DTNA: variants seen among roughly 807,000 people sequenced by gnomAD.
DTNA encodes the protein dystrophin-related protein 3.
Under a neutral mutation model 100.7 loss-of-function variants are expected in DTNA, and 43 were observed. The observed-to-expected ratio is 0.43, with a 90% CI of 0.33 to 0.55. The LOEUF is 0.55. DTNA is among the 20% of genes least tolerant of loss of function. DTNA has a pLI of 0.04. For missense variants in DTNA, 798 were observed against 953.9 expected, an observed-to-expected ratio of 0.84 and a Z score of 2.15; for synonymous variants, 349 against 347.9, an observed-to-expected ratio of 1.00 and a Z score of -0.04.
In DTNA at chr18:34,824,244, G is replaced by A. The variant is rs539713617; in HGVS notation, c.1001+3329G>A. Among the ~76,000 whole-genome samples the A allele has an allele frequency of 4.6e-5, 7 of 152,294 alleles. No individual in the cohort carries two copies. In the East Asian group the frequency reaches 7.7e-4, roughly 17 times the overall value. ...TAATCCCAGCACTTGGGGAGGCTGA[G>A]GCGGGCGGATCACGAGGTCAGGAGA... is the stretch of plus-strand genomic sequence containing the variant. On this transcript the variant is annotated intron_variant, in intron 9 of 22. Coordinates refer to ENST00000444659, the MANE Select transcript of DTNA (RefSeq NM_001386795.1).
At chr18:34,854,731 G>T (rs756879240) in intron 15 of DTNA, among the ~76,000 whole-genome samples, 12 of 152,298 alleles carry the variant, frequency 7.9e-5, no homozygotes, top group Non-Finnish European at 1.5e-4. Context: ...CAAGCATGGA[G>T]CCATCCATTG....
In DTNA at chr18:34,818,346, G is replaced by A. The variant is rs913518501; in HGVS notation, c.876+16G>A. Reference sequence around the variant, plus strand: ...CACGTCATGGGTAAGGCAAGGTCCAGGCAATACTTGGAGTTGGATGTGTGA... The same window carrying A: ...CACGTCATGGGTAAGGCAAGGTCCAAGCAATACTTGGAGTTGGATGTGTGA... On this transcript the variant is annotated intron_variant, in intron 8 of 22. Transcript: ENST00000444659. 19 of 1,612,548 alleles carry A rather than the reference G, an allele frequency of 1.2e-5. No individual in the cohort carries two copies. Among genetic ancestry groups the A allele is most frequent in the Admixed American group, 1.7e-5 (1 of 59,736 alleles).
intron 1 of DTNA, among the ~76,000 whole-genome samples, chr18:34,696,418 A>C (rs1324186414): frequency 6.6e-6 from 1 of 152,030 alleles, no homozygotes; most frequent in Admixed American, 6.6e-5. Context: ...TCTCTACTAA[A>C]AATACAAAAA....
At chr18:34,516,441 A>T (rs1254389459) in intron 1 of DTNA, among the ~76,000 whole-genome samples, 1 of 152,054 alleles carries the variant, frequency 6.6e-6, no homozygotes. Flanking sequence ...TTATCAGGAG[A>T]CAGGGTTTGA....
At chr18:34,779,315 TATTGAGTA>T (rs1418549109) in intron 3 of DTNA, among the ~76,000 whole-genome samples, 2 of 152,208 alleles carry the variant, frequency 1.3e-5, no homozygotes, top group Non-Finnish European at 2.9e-5. Flanking sequence ...ATAAAATGTC[TATTGAGTA>T]ATGACTCTAT....
intron 2 of DTNA, chr18:34,757,341 C>T (rs2092845940): frequency 6.6e-6 from 1 of 152,096 alleles, no homozygotes; most frequent in Non-Finnish European, 1.5e-5. Flanking sequence ...TATCCTCCAA[C>T]AGCACATTCT....
intron 1 of DTNA, among the ~76,000 whole-genome samples, chr18:34,566,312 G>C (rs1286782938): frequency 6.6e-6 from 1 of 151,954 alleles, no homozygotes; most frequent in Admixed American, 6.6e-5. Context: ...TGTCAGATTA[G>C]GTTAAGCTGA....
intron 1 of DTNA, among the ~76,000 whole-genome samples, chr18:34,584,179 G>A (rs1056339814): frequency 6.6e-5 from 10 of 152,188 alleles, no homozygotes; most frequent in African/African-American, 1.4e-4. Flanking sequence ...AGGGCATTTC[G>A]GTGAAACAAC....
chr18:34,779,522 A>G (rs2094219907), intron 3 of DTNA, among the ~76,000 whole-genome samples: 1 of 152,144 alleles, frequency 6.6e-6, no homozygotes, highest in Non-Finnish European at 1.5e-5. Context: ...CCATTACTCT[A>G]ATTTCCCAGG....
chr18:34,674,795 A>T (rs1048928870), intron 1 of DTNA, among the ~76,000 whole-genome samples: 1 of 152,234 alleles, frequency 6.6e-6, no homozygotes, highest in African/African-American at 2.4e-5. Context: ...GAAACAAGCA[A>T]TAAGTCCCTG....
At chr18:34,754,076 T>C (rs1388549557) in intron 1 of DTNA, among the ~76,000 whole-genome samples, 1 of 152,170 alleles carries the variant, frequency 6.6e-6, no homozygotes, top group African/African-American at 2.4e-5. Flanking sequence ...TCTAACCCAT[T>C]GTTAATATGT....
chr18:34,649,424 G>A (rs1025072581), intron 1 of DTNA, among the ~76,000 whole-genome samples: 1 of 152,162 alleles, frequency 6.6e-6, no homozygotes, highest in African/African-American at 2.4e-5. Flanking sequence ...CTTCTGGTAG[G>A]TTCCCTCCCT....
intron 14 of DTNA, among the ~76,000 whole-genome samples, chr18:34,850,599 A>G (rs1487971076): frequency 1.3e-5 from 2 of 152,264 alleles, no homozygotes; most frequent in African/African-American, 4.8e-5. Flanking sequence ...CATCTGGCTT[A>G]GGCAACAGTT....
intron 1 of DTNA, among the ~76,000 whole-genome samples, chr18:34,597,725 G>A (rs2050917017): frequency 6.6e-6 from 1 of 152,060 alleles, no homozygotes; most frequent in Admixed American, 6.5e-5. Context: ...TCCACAATAT[G>A]CCGTATACTA....
intron 2 of DTNA, among the ~76,000 whole-genome samples, chr18:34,758,425 T>C (rs979199623): frequency 1.2e-4 from 18 of 152,350 alleles, no homozygotes; most frequent in African/African-American, 4.3e-4. Flanking sequence ...CCAAGACTAT[T>C]GCAACAAGGG....
At chr18:34,662,521 A>G (rs991925554) in intron 1 of DTNA, among the ~76,000 whole-genome samples, 3 of 152,170 alleles carry the variant, frequency 2.0e-5, no homozygotes, top group African/African-American at 7.2e-5. Flanking sequence ...CAAAATTGAC[A>G]TGTGAGGGAC....
At chr18:34,686,590 T>C (rs755499999) in intron 1 of DTNA, among the ~76,000 whole-genome samples, 1 of 152,214 alleles carries the variant, frequency 6.6e-6, no homozygotes, top group Non-Finnish European at 1.5e-5. Context: ...AATATTGGCC[T>C]GAAATTTTCT....
In DTNA at chr18:34,890,581, A is replaced by G; in HGVS notation, c.*2847A>G. On this transcript the variant is annotated 3_prime_UTR_variant, in exon 23 of 23. Transcript: ENST00000444659. ...GCCTGTTAATAAGCACTGGTCTAAC[A>G]CAGCCAACCCTCCTCCACAGCGCCA... 1 of 1,282,882 alleles carries G rather than the reference A, an allele frequency of 7.8e-7. No individual in the cohort carries two copies. Among genetic ancestry groups the G allele is most frequent in the African/African-American group, 1.5e-5 (1 of 67,080 alleles). The allele number at this position is 1,282,882 out of a possible 1,614,324, so 79.5% of individuals were successfully genotyped here. A position where few individuals can be genotyped will look rare whatever the true frequency, so the allele number is the denominator to read the frequency against.
In DTNA at chr18:34,875,295, T is replaced by A; in HGVS notation, c.1800T>A (p.Ile600=). Reference sequence around the variant, plus strand: ...CCAGCCACACCATCAGCAGGCCAATTCCCATGCCCATCCGGTCAGCGTCAG... The same window carrying A: ...CCAGCCACACCATCAGCAGGCCAATACCCATGCCCATCCGGTCAGCGTCAG... ...SSPSHTISRP[I]PMPIRSASAC... The change falls in exon 18 of 23, where the codon ATT becomes ATA. Residue 600 remains isoleucine (I), a synonymous_variant. Transcript: ENST00000444659. The A allele has an allele frequency of 6.2e-7, 1 of 1,614,116 alleles. No individual in the cohort carries two copies.
Sources: gnomAD v4.1 joint callset for allele counts (sites outside exome capture counted in the v4.1 genomes callset) on GRCh38, gnomAD v4.1.1 for gene constraint, MANE v1.5 for transcripts, NCBI Gene and HGNC (gene_info 2026-07-23, HGNC 2026-07-21) for gene names.